The following RPA3 variants were observed in gnomAD, a reference collection of about 807,000 sequenced individuals.
RPA3 encodes the protein replication protein A 14 kDa subunit.
A neutral mutation model predicts 13.7 loss-of-function variants in RPA3; 24 were observed. The ratio of observed to expected loss-of-function variants is 1.75; its 90% confidence interval spans 1.27 to 2.46. The LOEUF is 2.46. RPA3 is among the 30% of genes most tolerant of loss of function. RPA3 has a pLI of 0.00. For missense variants in RPA3, 183 were observed against 151.0 expected (o/e 1.21, Z -1.11); for synonymous variants, 59 against 51.2 (o/e 1.15, Z -0.65).
chr7:7,689,213 A>G (rs1209024535), intron 2 of RPA3: 1 of 152,204 alleles, frequency 6.6e-6, no homozygotes, highest in Admixed American at 6.5e-5. Flanking sequence ...ATGAAGGAAG[A>G]TCAACTGAGA....
intron 2 of RPA3, among the ~76,000 whole-genome samples, chr7:7,705,494 T>C (rs1024175596): frequency 6.6e-6 from 1 of 152,216 alleles, no homozygotes; most frequent in Admixed American, 6.5e-5. Flanking sequence ...TTATATTCAG[T>C]GTGTTATTAC....
chr7:7,718,424 T>G (rs1238018197), intron 1 of RPA3, 91 bp downstream of exon 1: 4 of 152,232 alleles, frequency 2.6e-5, no homozygotes, highest in African/African-American at 9.6e-5. Flanking sequence ...ATGCATAATC[T>G]AAACTTGACT....
At chr7:7,672,247 T>C (rs1432387961) in intron 4 of RPA3, among the ~76,000 whole-genome samples, 2 of 152,182 alleles carry the variant, frequency 1.3e-5, no homozygotes, top group Non-Finnish European at 2.9e-5. Context: ...CAGAATCCTA[T>C]GTGTCCTTGC....
In RPA3 at chr7:7,657,811, A is replaced by G. The variant is rs536540731; in HGVS notation, c.-757-16636T>C. ...GCTATGTGGGCTCTATTTTGGTTCT[A>G]TGTGAAATTTAAAGTAGTTTTTTCT... On this transcript the variant is annotated intron_variant, in intron 4 of 7. Coordinates refer to ENST00000223129, the MANE Select transcript of RPA3 (RefSeq NM_002947.5). 5.3e-5 allele frequency among the ~76,000 whole-genome samples: 8 copies of G among 152,256 alleles called. No homozygotes were observed. In the East Asian group the frequency reaches 5.8e-4, roughly 11 times the overall value.
chr7:7,651,545 C>T (rs12668835), intron 4 of RPA3, among the ~76,000 whole-genome samples: 46,794 of 152,098 alleles, frequency 0.31, 9,177 homozygotes, highest in East Asian at 0.8. Flanking sequence ...GCTTTGGGTA[C>T]GTATTTTTCC....
intron 4 of RPA3, among the ~76,000 whole-genome samples, chr7:7,662,453 G>T (rs1785498432): frequency 6.6e-6 from 1 of 152,210 alleles, no homozygotes; most frequent in Non-Finnish European, 1.5e-5. Context: ...CATAGGCACC[G>T]GCGGGAATCT....
At chr7:7,662,992 G>C (rs550457500) in intron 4 of RPA3, among the ~76,000 whole-genome samples, 3 of 137,134 alleles carry the variant, frequency 2.2e-5, no homozygotes, top group African/African-American at 8.1e-5. Context: ...ATTTAAAGAA[G>C]TGTGTGAGTG....
At chr7:7,690,570 G>A (rs966775110) in intron 2 of RPA3, among the ~76,000 whole-genome samples, 2 of 152,068 alleles carry the variant, frequency 1.3e-5, no homozygotes, top group South Asian at 2.1e-4. Context: ...GGGTGATGCC[G>A]CACCTAAGTT....
At chr7:7,649,608 A>AT (rs1192847108) in intron 4 of RPA3, among the ~76,000 whole-genome samples, 2 of 151,412 alleles carry the variant, frequency 1.3e-5, no homozygotes, top group Non-Finnish European at 2.9e-5. Context: ...TTTTGCATTG[A>AT]TTTTTTTGTT....
In RPA3 at chr7:7,656,287, A is replaced by G. The variant is rs1437940623; in HGVS notation, c.-757-15112T>C. ...CAATGTAAAGTCTCTTGCTGTTAGT[A>G]AAGAACTTGTTCATGTATTTAAAAA... is the stretch of plus-strand genomic sequence containing the variant. On this transcript the variant is annotated intron_variant, in intron 4 of 7. Coordinates refer to ENST00000223129, the MANE Select transcript of RPA3 (RefSeq NM_002947.5). 2.0e-5 allele frequency among the ~76,000 whole-genome samples: 3 copies of G among 152,288 alleles called. No homozygotes were observed. In the East Asian group the frequency reaches 5.8e-4, roughly 29 times the overall value.
chr7:7,646,480 A>ATTTTTTTTTTTTTTTTTTTTTTTT (rs35948027), intron 4 of RPA3, among the ~76,000 whole-genome samples: 1 of 111,360 alleles, frequency 9.0e-6, no homozygotes, highest in Non-Finnish European at 1.8e-5. Context: ...CTTTCGCTGG[A>ATTTTTTTTTTTTTTTTTTTTTTTT]TTTTTTTTTT....
chr7:7,638,062 T>C lies in RPA3; in HGVS notation c.175-90A>G, dbSNP rs1784895003. 22 of 817,416 alleles carry C rather than the reference T, an allele frequency of 2.7e-5. No individual in the cohort carries two copies. In the South Asian group the frequency reaches 3.8e-4, roughly 14 times the overall value. The allele number at this position is 817,416 out of a possible 1,614,324, so 50.6% of individuals were successfully genotyped here. ...AACTGTTATACAGGTTACTAATCTATCACTTCAAGTAACAAAGTAATTTTA... is the reference window on the plus strand; with the variant it reads ...AACTGTTATACAGGTTACTAATCTACCACTTCAAGTAACAAAGTAATTTTA... On this transcript the variant is annotated intron_variant, in intron 6 of 7. Coordinates refer to ENST00000223129, the MANE Select transcript of RPA3 (RefSeq NM_002947.5).
At chr7:7,641,315 GGGAAGA>G (rs1784968094) in intron 4 of RPA3, 140 bp from the exon 5 acceptor site, 1 of 152,176 alleles carries the variant, frequency 6.6e-6, no homozygotes, top group Non-Finnish European at 1.5e-5. Context: ...ATGGGTAACG[GGGAAGA>G]ACCACTGGCC....
intron 2 of RPA3, among the ~76,000 whole-genome samples, chr7:7,709,519 CTTGAAG>C (rs1307161554): frequency 6.6e-6 from 1 of 152,166 alleles, no homozygotes; most frequent in Non-Finnish European, 1.5e-5. Context: ...GACTGGGGGA[CTTGAAG>C]TTGAAAGAAA....
chr7:7,664,544 T>G (rs1232194037), intron 4 of RPA3, among the ~76,000 whole-genome samples: 1 of 152,190 alleles, frequency 6.6e-6, no homozygotes, highest in Non-Finnish European at 1.5e-5. Flanking sequence ...ACATGGTTCC[T>G]TCCTCTAGTG....
intron 2 of RPA3, among the ~76,000 whole-genome samples, chr7:7,692,036 A>G (rs890713176): frequency 6.6e-6 from 1 of 152,236 alleles, no homozygotes; most frequent in Admixed American, 6.5e-5. Context: ...GCTTCTACAC[A>G]TAGTACAGTA....
At chr7:7,705,100 G>A (rs1780565960) in intron 2 of RPA3, among the ~76,000 whole-genome samples, 1 of 152,156 alleles carries the variant, frequency 6.6e-6, no homozygotes, top group East Asian at 1.9e-4. Context: ...GGGAGCTCCT[G>A]TTCTGACATG....
intron 2 of RPA3, among the ~76,000 whole-genome samples, chr7:7,695,163 C>T (rs1780279642): frequency 6.6e-6 from 1 of 152,150 alleles, no homozygotes; most frequent in South Asian, 2.1e-4. Flanking sequence ...TTTCATATAC[C>T]TGTTTGCCAT....
intron 7 of RPA3, among the ~76,000 whole-genome samples, 177 bp from the exon 8 acceptor site, chr7:7,637,259 G>T (rs903658002): frequency 6.6e-6 from 1 of 152,028 alleles, no homozygotes; most frequent in Non-Finnish European, 1.5e-5. Context: ...AAAAGACATG[G>T]GAGTACCATC....
Sources: allele counts gnomAD v4.1 joint callset (sites outside exome capture counted in the v4.1 genomes callset), GRCh38; gene constraint gnomAD v4.1.1; transcripts MANE v1.5; gene names NCBI Gene and HGNC (gene_info 2026-07-23, HGNC 2026-07-21).